The following DHRS7 variants were observed in gnomAD, a reference collection of about 807,000 sequenced individuals.
DHRS7 encodes the protein dehydrogenase/reductase SDR family member 7.
A neutral mutation model predicts 38.9 loss-of-function variants in DHRS7; 34 were observed. That is an observed-to-expected ratio of 0.87 (90% CI 0.66 to 1.16). The LOEUF is 1.16. Ranked by LOEUF, DHRS7 falls within the 50% of genes most tolerant of loss-of-function variation. The pLI is 0.00. For missense variants in DHRS7, 421 were observed against 407.0 expected (o/e 1.03, Z -0.30); for synonymous variants, 158 against 153.1 (o/e 1.03, Z -0.24).
chr14:60,148,429 C>G lies in DHRS7; in HGVS notation c.972+924G>C, dbSNP rs1896460171. 6.6e-6 allele frequency among the ~76,000 whole-genome samples: 1 copy of G among 152,146 alleles called. No individual in the cohort carries two copies. Among genetic ancestry groups the G allele is most frequent in the Admixed American group, 6.5e-5 (1 of 15,270 alleles). ...GGTTTACTTCATTACATTTCCTGTA[C>G]TGTCTATAAATTAAATTCTTTTGAG... On this transcript the variant is annotated intron_variant, in intron 6 of 6. Coordinates refer to ENST00000557185, the MANE Select transcript of DHRS7 (RefSeq NM_016029.4). This position sits in a 1 kb window ranked among gnomAD's most constrained non-coding sequence, Gnocchi z 4.8.
In DHRS7 at chr14:60,153,627, C is replaced by T. The variant is rs377423512; in HGVS notation, c.393+332G>A. ...AGGAGAATCCCTTAAACCTGGGAGG[C>T]GGAGATTGCAGTGAACCGATATCAC... On this transcript the variant is annotated intron_variant, in intron 3 of 6. Coordinates refer to ENST00000557185, the MANE Select transcript of DHRS7 (RefSeq NM_016029.4). This position sits in a 1 kb window ranked among gnomAD's most constrained non-coding sequence, Gnocchi z 4.4. Among the ~76,000 whole-genome samples, 16 of 152,156 alleles carry T rather than the reference C, an allele frequency of 1.1e-4. No homozygotes were observed. In the East Asian group the frequency reaches 2.9e-3, roughly 28 times the overall value.
intron 4 of DHRS7, among the ~76,000 whole-genome samples, chr14:60,151,010 G>T (rs760265852): frequency 6.6e-6 from 1 of 152,124 alleles, no homozygotes; most frequent in Non-Finnish European, 1.5e-5. Context: ...CTGAGGTCAG[G>T]TTTCTATTTA....
rs1345905227 is a variant in DHRS7 at position 60,144,704 on chromosome 14, C to G, written c.*262G>C. The G allele has an allele frequency of 2.9e-6, 1 of 342,388 alleles. No individual in the cohort carries two copies. Among genetic ancestry groups the G allele is most frequent in the Non-Finnish European group, 5.2e-6 (1 of 191,808 alleles). The allele number at this position is 342,388 out of a possible 1,614,324, so 21.2% of individuals were successfully genotyped here. Reference sequence around the variant, plus strand: ...AAATGGACTAAGACAAATCTGTTAACTTAGATTTTAAGCATATGTGCTAAA... The same window carrying G: ...AAATGGACTAAGACAAATCTGTTAAGTTAGATTTTAAGCATATGTGCTAAA... On this transcript the variant is annotated 3_prime_UTR_variant, in exon 7 of 7. Coordinates refer to ENST00000557185, the MANE Select transcript of DHRS7 (RefSeq NM_016029.4).
rs1392385556 is a variant in DHRS7, at chr14:60,161,261, G to A, written c.133+3916C>T. Among the ~76,000 whole-genome samples the A allele has an allele frequency of 1.3e-5, 2 of 152,168 alleles. No homozygotes were observed. Among genetic ancestry groups the A allele is most frequent in the Non-Finnish European group, 1.5e-5 (1 of 68,038 alleles). ...TATAGCTTATGGTTATTAGAGCTGG[G>A]CTACCTTTAATCATGGAATAATCTT... On this transcript the variant is annotated intron_variant, in intron 1 of 6. Transcript: ENST00000557185. This position sits in a 1 kb window ranked among gnomAD's most constrained non-coding sequence, Gnocchi z 4.2.
upstream of DHRS7, chr14:60,166,408 T>G: frequency 1.3e-5 from 3 of 238,954 alleles, no homozygotes; most frequent in Non-Finnish European, 2.0e-5. Flanking sequence ...GAGTACTTTG[T>G]GTGCTCTGAT....
At chr14:60,166,285 A>AG, upstream of DHRS7, 1 of 985,434 alleles carries the variant, frequency 1.0e-6, no homozygotes, top group Non-Finnish European at 1.2e-6. Flanking sequence ...CAAGCCTCAG[A>AG]GGGACCCAGT....
At position 60,153,987 on chromosome 14, in the gene DHRS7, G is replaced by A. The variant is rs780130655; in HGVS notation, c.365C>T (p.Thr122Ile). The change falls in exon 3 of 7, where the codon ACC becomes ATC. Residue 122 changes from threonine (T) to isoleucine (I), a missense_variant. Transcript: ENST00000557185. The surrounding 1 kb of genome is among the most constrained non-coding windows in gnomAD (Gnocchi z 4.4). Reference protein sequence around the residue: ...LTDTGSHEAATKAVLQEFGRI... With the variant: ...LTDTGSHEAAIKAVLQEFGRI... ...ACCAAACTCCTGGAGAACAGCTTTG[G>A]TAGCCGCTTCATGGGAACCAGTGTC... 6.2e-7 allele frequency: 1 copy of A among 1,614,042 alleles called. No individual in the cohort carries two copies. Among genetic ancestry groups the A allele is most frequent in the Middle Eastern group, 1.6e-4 (1 of 6,062 alleles).
In DHRS7 at chr14:60,156,164, A is replaced by T; in HGVS notation, c.134-12T>A. On this transcript the variant is annotated splice_polypyrimidine_tract_variant and intron_variant, in intron 1 of 6. Coordinates refer to ENST00000557185, the MANE Select transcript of DHRS7 (RefSeq NM_016029.4). ...AGTCAGCTCCCATTCTATGGAAGGA[A>T]TGTAAATGGAAGGAAGAAAATAAGC... 1 of 1,544,790 alleles carries T rather than the reference A, an allele frequency of 6.5e-7. No individual in the cohort carries two copies. Among genetic ancestry groups the T allele is most frequent in the Non-Finnish European group, 8.7e-7 (1 of 1,149,370 alleles).
chr14:60,168,843 C>A, upstream of DHRS7: 4 of 1,420,668 alleles, frequency 2.8e-6, no homozygotes, highest in East Asian at 2.5e-5. Flanking sequence ...CTTCATAAAC[C>A]AAAGCATAAG....
rs2140618799 is a variant in DHRS7, at chr14:60,165,101, C to A, written c.133+76G>T. ...CAAAGGACCCGGGATCACTGCAGAACCCCCGGAGACCCGGACACGCCTCGG... is the reference window on the plus strand; with the variant it reads ...CAAAGGACCCGGGATCACTGCAGAAACCCCGGAGACCCGGACACGCCTCGG... On this transcript the variant is annotated intron_variant, in intron 1 of 6. Coordinates refer to ENST00000557185, the MANE Select transcript of DHRS7 (RefSeq NM_016029.4). This position sits in a 1 kb window ranked among gnomAD's most constrained non-coding sequence, Gnocchi z 4.6. 36 of 1,556,798 alleles carry A rather than the reference C, an allele frequency of 2.3e-5. 1 individual carries two copies. In the South Asian group the frequency reaches 3.8e-4, roughly 16 times the overall value.
intron 1 of DHRS7, chr14:60,158,879 T>TA: frequency 5.3e-6 from 1 of 188,876 alleles, no homozygotes; most frequent in Non-Finnish European, 1.1e-5. Context: ...TTTATACTGA[T>TA]ATGATAAGCT....
chr14:60,165,588 C>T (rs1025891762), upstream of DHRS7: 35 of 1,230,662 alleles, frequency 2.8e-5, no homozygotes, highest in Non-Finnish European at 3.3e-5. The surrounding 1 kb of genome is among the most constrained non-coding windows in gnomAD (Gnocchi z 4.6). Flanking sequence ...GCCTGGGCAA[C>T]ATGAGGAAAC....
At chr14:60,149,024 G>A (rs1418271084) in intron 6 of DHRS7, 2 of 273,494 alleles carry the variant, frequency 7.3e-6, no homozygotes, top group Non-Finnish European at 1.4e-5. Context: ...CCGGGCTGGA[G>A]TGCAGTGGCA....
In DHRS7 at chr14:60,150,194, G is replaced by GCCA. The variant is rs376945245; in HGVS notation, c.634-8_634-7insTGG. ...GAAGGCCATTAAAAAAACCCTAACA[G>GCCA]ACAAAAAAAAAAAAAAAGGAAAAAG... On this transcript the variant is annotated splice_polypyrimidine_tract_variant and splice_region_variant and intron_variant, in intron 4 of 6. Transcript: ENST00000557185. 5.4e-6 allele frequency: 6 copies of GCCA among 1,121,054 alleles called. No homozygotes were observed. The highest frequency in any genetic ancestry group is 2.0e-5 in the African/African-American group (1 of 50,858). 69.4% of individuals were successfully genotyped at this position (1,121,054 alleles called of 1,614,324 possible).
At chr14:60,149,769 A>G (rs1896497382) in intron 5 of DHRS7, among the ~76,000 whole-genome samples, 1 of 151,974 alleles carries the variant, frequency 6.6e-6, no homozygotes. Context: ...TGCTTACTAG[A>G]TAATATAGTG....
chr14:60,168,914 C>A (rs961196037), upstream of DHRS7: 3 of 821,268 alleles, frequency 3.7e-6, no homozygotes, highest in Non-Finnish European at 5.2e-6. Context: ...GTCTAACTAA[C>A]CCATTGAAGT....
rs1039757364 is a variant in DHRS7, at chr14:60,161,063, C to T, written c.133+4114G>A. Among the ~76,000 whole-genome samples, 1 of 152,186 alleles carries T rather than the reference C, an allele frequency of 6.6e-6. No individual in the cohort carries two copies. The highest frequency in any genetic ancestry group is 2.4e-5 in the African/African-American group (1 of 41,434). Reference sequence around the variant, plus strand: ...ATGTACACTTATTGATAATCTTGCTCAGTTTTATCCTGCTTGTTCTCCCAG... The same window carrying T: ...ATGTACACTTATTGATAATCTTGCTTAGTTTTATCCTGCTTGTTCTCCCAG... On this transcript the variant is annotated intron_variant, in intron 1 of 6. Transcript: ENST00000557185. The surrounding 1 kb of genome is among the most constrained non-coding windows in gnomAD (Gnocchi z 4.2).
chr14:60,149,488 A>C lies in DHRS7; in HGVS notation c.837T>G (p.Asn279Lys). ...CVRLMLISMA[N>K]DLKEVWISEQ... ...CTGAGATCCAAACTTCTTTCAAATC[A>C]TTGGCCATGCTGATTAACATCAGCC... Residue 279 changes from asparagine (N) to lysine (K), a missense_variant, in exon 6 of 7, where the codon AAT becomes AAG. Coordinates refer to ENST00000557185, the MANE Select transcript of DHRS7 (RefSeq NM_016029.4). The C allele has an allele frequency of 6.2e-7, 1 of 1,614,142 alleles. No homozygotes were observed. Among genetic ancestry groups the C allele is most frequent in the Non-Finnish European group, 8.5e-7 (1 of 1,180,026 alleles).
chr14:60,168,315 GT>G (rs1249213140), upstream of DHRS7, among the ~76,000 whole-genome samples: 1 of 152,078 alleles, frequency 6.6e-6, no homozygotes, highest in African/African-American at 2.4e-5. Context: ...TAAATGCTCT[GT>G]TTCAAACTTC....
Sources: allele counts gnomAD v4.1 joint callset (sites outside exome capture counted in the v4.1 genomes callset), GRCh38; gene constraint gnomAD v4.1.1; non-coding constraint Gnocchi (gnomAD v3.1); transcripts MANE v1.5; gene names NCBI Gene and HGNC (gene_info 2026-07-23, HGNC 2026-07-21).